The following MCF2L variants were observed in gnomAD, a reference collection of about 807,000 sequenced individuals.
MCF2L encodes the protein guanine nucleotide exchange factor DBS.
In MCF2L, 97 loss-of-function variants were observed where a neutral mutation model predicts 153.4. The observed-to-expected ratio is 0.63, with a 90% confidence interval of 0.54 to 0.75. The LOEUF (loss-of-function observed/expected upper bound fraction) is 0.75. Among genes scored for constraint, MCF2L ranks in the 30% least tolerant of loss-of-function variants. The pLI, the probability that MCF2L is intolerant of heterozygous loss-of-function variation, is 0.00. For synonymous variants in MCF2L, 659 were observed against 632.2 expected (o/e 1.04, Z -0.64); for missense variants, 1,347 against 1,495.2 (o/e 0.90, Z 1.64).
chr13:113,028,749 C>T lies in MCF2L; in HGVS notation c.278+3991C>T, dbSNP rs528117983. Among the ~76,000 whole-genome samples, 2 of 152,132 alleles carry T rather than the reference C, an allele frequency of 1.3e-5. No homozygotes were observed. The highest frequency in any genetic ancestry group is 2.4e-5 in the African/African-American group (1 of 41,432). ...TTCAGCCATGAGCAGTGCTGCTGAC[C>T]GTGGAGCTGTTTCCCCCACCAGACT... On this transcript the variant is annotated intron_variant, in intron 3 of 29. Coordinates refer to ENST00000535094, the MANE Select transcript of MCF2L (RefSeq NM_001112732.3). This position sits in a 1 kb window ranked among gnomAD's most constrained non-coding sequence, Gnocchi z 5.4.
upstream of MCF2L, chr13:112,969,176 G>C (rs927536095): frequency 5.0e-6 from 3 of 600,652 alleles, no homozygotes; most frequent in Non-Finnish European, 6.6e-6. The surrounding 1 kb of genome is among the most constrained non-coding windows in gnomAD (Gnocchi z 4.8). Context: ...GCCGCCCCCC[G>C]CCCCCCGCGG....
intron 2 of MCF2L, among the ~76,000 whole-genome samples, chr13:112,947,275 AC>A (rs1216492423): frequency 2.6e-5 from 4 of 151,992 alleles, no homozygotes; most frequent in East Asian, 1.9e-4. Context: ...ATAGCATTCC[AC>A]CCCCAGCTCC....
chr13:112,990,869 C>T (rs1054176755), intron 1 of MCF2L, among the ~76,000 whole-genome samples: 1 of 152,232 alleles, frequency 6.6e-6, no homozygotes, highest in African/African-American at 2.4e-5. Flanking sequence ...GGAGAACTGG[C>T]GTGCTTATCA....
chr13:113,044,358 A>G (rs1363356461), intron 3 of MCF2L: 3 of 347,290 alleles, frequency 8.6e-6, no homozygotes, highest in Non-Finnish European at 1.7e-5. Flanking sequence ...CGAGCGTCAG[A>G]AGGATCTGAG....
At chr13:113,024,785 A>G (rs748360586) in intron 3 of MCF2L, 27 bp downstream of exon 3, 2 of 1,577,102 alleles carry the variant, frequency 1.3e-6, no homozygotes, top group Non-Finnish European at 1.7e-6. Context: ...CCCGGCAGAC[A>G]TTGTGGTTTG....
intron 2 of MCF2L, among the ~76,000 whole-genome samples, chr13:112,938,066 T>C (rs1445491588): frequency 2.7e-5 from 4 of 146,778 alleles, no homozygotes; most frequent in African/African-American, 1.0e-4. Flanking sequence ...AAGCGCTGAG[T>C]GGCTGGTTCA....
chr13:113,058,615 G>A (rs1043653663), intron 4 of MCF2L, among the ~76,000 whole-genome samples: 4 of 149,872 alleles, frequency 2.7e-5, no homozygotes, highest in African/African-American at 9.8e-5. Context: ...GTGTTTAGTT[G>A]CTGTGTGTTT....
rs1433217453 is a variant in MCF2L at position 112,993,664 on chromosome 13, G to A, written c.80-21099G>A. On this transcript the variant is annotated intron_variant, in intron 1 of 29. Transcript: ENST00000535094. The surrounding 1 kb of genome is among the most constrained non-coding windows in gnomAD (Gnocchi z 4.6). ...GAGAAGTCATCGTCAATGGCCCCAC[G>A]ATGTCAGGCTTGGAATTTGGGGTGG... is the stretch of plus-strand genomic sequence containing the variant. Among the ~76,000 whole-genome samples the A allele has an allele frequency of 1.3e-5, 2 of 152,102 alleles. No individual in the cohort carries two copies. The highest frequency in any genetic ancestry group is 3.9e-4 in the East Asian group (2 of 5,180).
intron 1 of MCF2L, among the ~76,000 whole-genome samples, chr13:112,986,441 GCAC>G (rs1261534001): frequency 2.0e-5 from 3 of 152,216 alleles, no homozygotes; most frequent in Non-Finnish European, 4.4e-5. Context: ...GTAGACGTCA[GCAC>G]CACCACCGCC....
intron 26 of MCF2L, chr13:113,091,196 G>C (rs1220179494): frequency 1.5e-6 from 2 of 1,304,314 alleles, no homozygotes; most frequent in Admixed American, 4.6e-5. Flanking sequence ...GGTGTGCGAG[G>C]TAGAGTGGCA....
chr13:113,045,516 C>G lies in MCF2L; in HGVS notation c.369+155C>G. The G allele has an allele frequency of 3.0e-6, 2 of 657,508 alleles. No homozygotes were observed. The highest frequency in any genetic ancestry group is 4.9e-5 in the Admixed American group (2 of 41,054). The allele number at this position is 657,508 out of a possible 1,614,324, so 40.7% of individuals were successfully genotyped here. On this transcript the variant is annotated intron_variant, in intron 4 of 29. Transcript: ENST00000535094. This position sits in a 1 kb window ranked among gnomAD's most constrained non-coding sequence, Gnocchi z 4.2. ...GTGGAGGCCGGCGCCAAGGCCCCCC[C>G]TGCTTGGGCTCCCAAGGCACTGGTG...
rs1027807812 is a variant in MCF2L, at chr13:113,098,025, T to C, written c.*1166T>C. The C allele has an allele frequency of 6.6e-6, 1 of 152,320 alleles. No homozygotes were observed. Among genetic ancestry groups the C allele is most frequent in the Admixed American group, 6.5e-5 (1 of 15,286 alleles). 9.4% of individuals were successfully genotyped at this position (152,320 alleles called of 1,614,324 possible). On this transcript the variant is annotated 3_prime_UTR_variant, in exon 30 of 30. Transcript: ENST00000535094. ...TCAGAAACATATTCTGTTCAAAACT[T>C]TTGAAGCCCTTTCGGTGTCTAGTCT...
At chr13:113,095,466 C>T (rs2035567887) in intron 27 of MCF2L, 10 of 1,070,224 alleles carry the variant, frequency 9.3e-6, no homozygotes, top group Non-Finnish European at 1.1e-5. Flanking sequence ...GAACAGGGTG[C>T]ACGGGGCCTG....
At position 113,089,729 on chromosome 13, in the gene MCF2L, G is replaced by A. The variant is rs1595016496; in HGVS notation, c.2953+1G>A. 6.2e-7 allele frequency: 1 copy of A among 1,613,244 alleles called. No homozygotes were observed. Among genetic ancestry groups the A allele is most frequent in the Non-Finnish European group, 8.5e-7 (1 of 1,179,500 alleles). On this transcript the variant is annotated splice_donor_variant, in intron 26 of 29. Coordinates refer to ENST00000535094, the MANE Select transcript of MCF2L (RefSeq NM_001112732.3). LOFTEE classifies it high-confidence loss of function. ...ACAAAGCCCCCCGAAAAGGGCAAAG[G>A]TGGGTATGTGCAGGGACCGGGCCTC...
intron 2 of MCF2L, among the ~76,000 whole-genome samples, chr13:112,944,856 C>A (rs935608680): frequency 1.3e-5 from 2 of 152,196 alleles, no homozygotes; most frequent in South Asian, 2.1e-4. Flanking sequence ...GCTTTCTCTG[C>A]AAGCTCTGTG....
rs1029623649 is a variant in MCF2L at position 112,943,840 on chromosome 13, G to A, written c.169+41469G>A. ...GCGGGAGGCGTAGTAGGCGGGGTGA[G>A]GGGATCTCGGTGGCAGCGGGGACAG... is the stretch of plus-strand genomic sequence containing the variant. On this transcript the variant is annotated intron_variant, in intron 2 of 29. Transcript: ENST00000375608. The surrounding 1 kb of genome is among the most constrained non-coding windows in gnomAD (Gnocchi z 4.2). Among the ~76,000 whole-genome samples the A allele has an allele frequency of 6.6e-6, 1 of 152,072 alleles. No individual in the cohort carries two copies. The highest frequency in any genetic ancestry group is 1.5e-5 in the Non-Finnish European group (1 of 67,994).
intron 2 of MCF2L, among the ~76,000 whole-genome samples, chr13:112,928,831 C>G (rs1398579116): frequency 6.6e-6 from 1 of 152,248 alleles, no homozygotes; most frequent in Non-Finnish European, 1.5e-5. Context: ...CTCAGACCCT[C>G]CTTGAGAGGA....
chr13:113,090,705 T>G, intron 26 of MCF2L: 1 of 985,498 alleles, frequency 1.0e-6, no homozygotes, highest in Non-Finnish European at 1.2e-6. Flanking sequence ...GCGGCTCTTC[T>G]GGGAAGCCCT....
At chr13:112,898,954 T>C (rs1265461344) in intron 1 of MCF2L, among the ~76,000 whole-genome samples, 2 of 148,916 alleles carry the variant, frequency 1.3e-5, no homozygotes, top group East Asian at 4.2e-4. Flanking sequence ...CTGTGCCCCC[T>C]CCCAGGGAGC....
Sources: allele counts gnomAD v4.1 joint callset (sites outside exome capture counted in the v4.1 genomes callset), GRCh38; gene constraint gnomAD v4.1.1; non-coding constraint Gnocchi (gnomAD v3.1); transcripts MANE v1.5; gene names NCBI Gene and HGNC (gene_info 2026-07-23, HGNC 2026-07-21).